Variants in CHLSN observed in about 807,000 individuals in gnomAD.
CHLSN encodes protein cholesin.
At chr7:1,057,522 A>G in the CHLSN span, 4 of 768,814 alleles carry the variant, frequency 5.2e-6, no homozygotes, top group Non-Finnish European at 7.3e-6. Flanking sequence ...CGCCATGTGG[A>G]GCTGCAGCTG....
the CHLSN span, among the ~76,000 whole-genome samples, chr7:1,048,863 C>T: frequency 6.6e-6 from 1 of 152,212 alleles, no homozygotes; most frequent in Middle Eastern, 3.2e-3. Context: ...CCTTCTCAGT[C>T]CCATGTTCCT....
the CHLSN span, among the ~76,000 whole-genome samples, chr7:1,122,927 C>A: frequency 6.6e-6 from 1 of 152,180 alleles, no homozygotes; most frequent in Non-Finnish European, 1.5e-5. Flanking sequence ...GACCAGTGGG[C>A]AATCATACAG....
At chr7:997,163 G>A in the CHLSN span, 25,897 of 154,890 alleles carry the variant, frequency 0.17, 2,572 homozygotes, top group Admixed American at 0.22. Context: ...GCCCCTCGAT[G>A]GACGCAGGCA....
At chr7:1,036,401 C>T in the CHLSN span, among the ~76,000 whole-genome samples, 3 of 147,008 alleles carry the variant, frequency 2.0e-5, 1 homozygote, top group East Asian at 4.0e-4. Flanking sequence ...GTGCTGTGGC[C>T]GTGCAGGGCT....
chr7:1,067,748 G>A, the CHLSN span, among the ~76,000 whole-genome samples: 2 of 140,148 alleles, frequency 1.4e-5, no homozygotes, highest in Non-Finnish European at 3.1e-5. Flanking sequence ...CACACAGGCT[G>A]GAGTGCATCC....
the CHLSN span, chr7:985,183 G>A: frequency 6.4e-7 from 1 of 1,572,404 alleles, no homozygotes. Flanking sequence ...CTTCCCGCTG[G>A]CCCTACTGGG....
the CHLSN span, chr7:988,900 C>G: frequency 2.1e-6 from 2 of 933,726 alleles, no homozygotes; most frequent in Non-Finnish European, 3.2e-6. Flanking sequence ...CCTCCCACCC[C>G]ACAGCTCGGA....
At chr7:1,003,467 G>A in the CHLSN span, among the ~76,000 whole-genome samples, 1 of 73,472 alleles carries the variant, frequency 1.4e-5, no homozygotes, top group East Asian at 5.4e-4. Flanking sequence ...GCGGGTGAGT[G>A]GAGTCCTGTG....
chr7:1,127,747 G>C, the CHLSN span, among the ~76,000 whole-genome samples: 139 of 50,178 alleles, frequency 2.8e-3, 2 homozygotes, highest in African/African-American at 0.02. Flanking sequence ...GCAGTGGCGC[G>C]ATCTCAGCTC....
the CHLSN span, chr7:1,026,440 G>A: frequency 2.6e-5 from 4 of 152,220 alleles, no homozygotes; most frequent in Non-Finnish European, 1.5e-5. Flanking sequence ...TCCTAGCTGT[G>A]AGAACACTAA....
chr7:1,036,593 G>T, the CHLSN span, among the ~76,000 whole-genome samples: 1 of 151,932 alleles, frequency 6.6e-6, no homozygotes, highest in East Asian at 1.9e-4. Context: ...GGCCGTGCAT[G>T]TGTGTCAGGA....
chr7:1,011,812 G>T, the CHLSN span, among the ~76,000 whole-genome samples: 1 of 152,132 alleles, frequency 6.6e-6, no homozygotes, highest in African/African-American at 2.4e-5. Context: ...GCAAGAGACA[G>T]GGCCTGGGGG....
the CHLSN span, among the ~76,000 whole-genome samples, chr7:993,331 C>T: frequency 2.0e-5 from 3 of 152,246 alleles, no homozygotes; most frequent in East Asian, 5.8e-4. Flanking sequence ...AGGGACTGGA[C>T]GGACGGCAGG....
At chr7:1,122,319 G>A in the CHLSN span, among the ~76,000 whole-genome samples, 4 of 152,230 alleles carry the variant, frequency 2.6e-5, no homozygotes, top group Non-Finnish European at 5.9e-5. Context: ...GACAGCAGTG[G>A]ACTGAGGGAG....
At chr7:983,198 C>G in the CHLSN span, 4 of 1,476,556 alleles carry the variant, frequency 2.7e-6, no homozygotes, top group African/African-American at 1.4e-5. Flanking sequence ...TGGAGCCTCA[C>G]CAGCCACGTC....
chr7:1,114,806 G>A, the CHLSN span, among the ~76,000 whole-genome samples: 5 of 152,284 alleles, frequency 3.3e-5, no homozygotes, highest in Admixed American at 1.3e-4. Flanking sequence ...CGATGGGCAG[G>A]TGTCTGAGGC....
the CHLSN span, chr7:984,811 A>AC: frequency 7.9e-7 from 1 of 1,271,438 alleles, no homozygotes; most frequent in South Asian, 1.5e-5. Context: ...GGGCCAGCCC[A>AC]GGGGGACGGG....
chr7:1,056,718 T>C, the CHLSN span: 2 of 152,284 alleles, frequency 1.3e-5, no homozygotes, highest in Admixed American at 6.5e-5. Context: ...CCTCCGGGCA[T>C]GGGAACGATG....
the CHLSN span, among the ~76,000 whole-genome samples, chr7:988,038 G>GTGTGTCCTGGGGGTCCCCTC: frequency 7.4e-3 from 1,084 of 147,058 alleles, 10 homozygotes; most frequent in African/African-American, 0.026. Flanking sequence ...GGTCCCCTCT[G>GTGTGTCCTGGGGGTCCCCTC]TGTGTCCTGG....
Sources: gnomAD v4.1 joint callset for allele counts (sites outside exome capture counted in the v4.1 genomes callset) on GRCh38, gnomAD v4.1.1 for gene constraint, MANE v1.5 for transcripts, NCBI Gene and HGNC (gene_info 2026-07-23, HGNC 2026-07-21) for gene names.